The following WDFY4 variants were observed in gnomAD, a reference collection of about 807,000 sequenced individuals.
WDFY4 encodes the protein WD repeat- and FYVE domain-containing protein 4.
A neutral mutation model predicts 351.9 loss-of-function variants in WDFY4; 169 were observed. The observed-to-expected ratio is 0.48, with a 90% CI of 0.42 to 0.55. The LOEUF is 0.55. Among genes scored for constraint, WDFY4 ranks in the 20% least tolerant of loss-of-function variants. WDFY4 has a pLI of 0.00. For synonymous variants in WDFY4, 1,622 were observed against 1,574.6 expected (o/e 1.03, Z -0.71); for missense variants, 3,803 against 3,935.6 (o/e 0.97, Z 0.90).
At chr10:48,750,952 G>T (rs914995196) in intron 12 of WDFY4, among the ~76,000 whole-genome samples, 49 of 152,228 alleles carry the variant, frequency 3.2e-4, no homozygotes, top group African/African-American at 1.1e-3. Context: ...TGAGAAGATG[G>T]ACAGGACAGG....
intron 24 of WDFY4, among the ~76,000 whole-genome samples, chr10:48,800,072 G>C (rs1255836329): frequency 1.3e-5 from 2 of 152,210 alleles, no homozygotes; most frequent in South Asian, 2.1e-4. Context: ...TTGTAGTAGA[G>C]ACGGGGTTTC....
intron 47 of WDFY4, among the ~76,000 whole-genome samples, chr10:48,920,317 G>A (rs1838945581): frequency 6.7e-6 from 1 of 148,454 alleles, no homozygotes; most frequent in Non-Finnish European, 1.5e-5. Context: ...ATTGAACAAT[G>A]AGAACACATG....
intron 1 of WDFY4, among the ~76,000 whole-genome samples, chr10:48,703,996 G>T (rs947249520): frequency 6.6e-6 from 1 of 152,108 alleles, no homozygotes; most frequent in African/African-American, 2.4e-5. Context: ...CTCCCTCTTG[G>T]GTCCCTGCAG....
Position 48,976,949 on chromosome 10 carries a change from C to CA in WDFY4, c.9262dup (p.Ile3088AsnfsTer15). On this transcript the variant is annotated frameshift_variant, in exon 59 of 62. Coordinates refer to ENST00000325239, the MANE Select transcript of WDFY4 (RefSeq NM_001394531.1). LOFTEE classifies it high-confidence loss of function. ...CAGCATGGGACACAAGCCAGATCAT[C>CA]ATCACCGGGAGTCAAGACGGCATGG... 6.7e-7 allele frequency: 1 copy of CA among 1,499,302 alleles called. No individual in the cohort carries two copies. Among genetic ancestry groups the CA allele is most frequent in the Non-Finnish European group, 8.9e-7 (1 of 1,118,168 alleles). The allele number at this position is 1,499,302 out of a possible 1,614,324, so 92.9% of individuals were successfully genotyped here. A position where few individuals can be genotyped will look rare whatever the true frequency, so the allele number is the denominator to read the frequency against.
chr10:48,693,285 G>C (rs912230061), intron 1 of WDFY4, among the ~76,000 whole-genome samples: 2 of 152,136 alleles, frequency 1.3e-5, no homozygotes, highest in Non-Finnish European at 2.9e-5. Flanking sequence ...GTGGAGGGGA[G>C]CCTGGAGGCA....
chr10:48,909,424 T>C lies in WDFY4; in HGVS notation c.7586+7561T>C, dbSNP rs560475665. ...ATATAACTTTTTGTATAAATTGGAG[T>C]TGCTTGAGGTATCTTAGTCCATTTG... On this transcript the variant is annotated intron_variant, in intron 47 of 61. Coordinates refer to ENST00000325239, the MANE Select transcript of WDFY4 (RefSeq NM_001394531.1). 3.9e-5 allele frequency: 6 copies of C among 152,308 alleles called. No individual in the cohort carries two copies. In the South Asian group the frequency reaches 8.3e-4, roughly 21 times the overall value. 9.4% of individuals were successfully genotyped at this position (152,308 alleles called of 1,614,324 possible). A position where few individuals can be genotyped will look rare whatever the true frequency, so the allele number is the denominator to read the frequency against.
rs959368948 is a variant in WDFY4, at chr10:48,820,380, G to A, written c.5652G>A (p.Glu1884=). 1.4e-5 allele frequency: 21 copies of A among 1,551,502 alleles called. No individual in the cohort carries two copies. The African/African-American group carries it at 2.6e-4, about 19-fold the overall frequency. The change falls in exon 33 of 62, where the codon GAG becomes GAA. Residue 1884 remains glutamate, a synonymous_variant. Coordinates refer to ENST00000325239, the MANE Select transcript of WDFY4 (RefSeq NM_001394531.1). ...AGTTCACGCAGCTCCTCTTGAGGGA[G>A]CTCCTGCTTGGAGCCTCCAGCCCCA... ...LREFTQLLLR[E]LLLGASSPKQ... is the part of the protein sequence containing the mutation.
At chr10:48,858,742 C>G (rs748105200) in intron 39 of WDFY4, among the ~76,000 whole-genome samples, 6 of 152,092 alleles carry the variant, frequency 3.9e-5, no homozygotes, top group African/African-American at 1.4e-4. Context: ...CTAGAAAAAG[C>G]CTTGCTGGTA....
At chr10:48,724,925 A>G (rs1050281510) in intron 5 of WDFY4, among the ~76,000 whole-genome samples, 11 of 152,220 alleles carry the variant, frequency 7.2e-5, no homozygotes, top group Middle Eastern at 3.2e-3. Flanking sequence ...ATACTGGGCA[A>G]TGATGGTGAC....
chr10:48,921,971 A>C (rs1839123341), intron 47 of WDFY4, among the ~76,000 whole-genome samples: 1 of 152,194 alleles, frequency 6.6e-6, no homozygotes, highest in South Asian at 2.1e-4. Flanking sequence ...CTAAGTATTT[A>C]CCCTAGAAAA....
chr10:48,874,851 G>GT (rs775067190), intron 41 of WDFY4, among the ~76,000 whole-genome samples: 5 of 152,242 alleles, frequency 3.3e-5, no homozygotes, highest in South Asian at 4.1e-4. Context: ...GGTAATTACC[G>GT]TAAGTCCTAC....
intron 19 of WDFY4, among the ~76,000 whole-genome samples, chr10:48,783,263 C>G (rs1227164606): frequency 5.9e-5 from 9 of 152,144 alleles, no homozygotes; most frequent in Admixed American, 5.9e-4. Flanking sequence ...GCATGCTTAA[C>G]TAAGCTCTAG....
intron 1 of WDFY4, among the ~76,000 whole-genome samples, chr10:48,699,317 G>A (rs992119874): frequency 3.3e-5 from 5 of 152,252 alleles, no homozygotes; most frequent in African/African-American, 4.8e-5. Flanking sequence ...TGGGGACTTC[G>A]GAGCCAGCAG....
At chr10:48,882,277 G>C (rs73294617) in intron 43 of WDFY4, among the ~76,000 whole-genome samples, 5,587 of 152,288 alleles carry the variant, frequency 0.037, 341 homozygotes, top group African/African-American at 0.13. Context: ...ACCATGGAGG[G>C]AGCAGCCAGT....
chr10:48,967,880 C>T (rs1842156099), intron 55 of WDFY4: 1 of 152,236 alleles, frequency 6.6e-6, no homozygotes, highest in Admixed American at 6.5e-5. Context: ...AGAACAGTGT[C>T]ATTGGCACAC....
chr10:48,740,956 C>G lies in WDFY4; in HGVS notation c.1879-2012C>G, dbSNP rs1197428644. Among the ~76,000 whole-genome samples, 4 of 152,170 alleles carry G rather than the reference C, an allele frequency of 2.6e-5. No homozygotes were observed. In the East Asian group the frequency reaches 7.7e-4, roughly 29 times the overall value. On this transcript the variant is annotated intron_variant, in intron 11 of 61. Coordinates refer to ENST00000325239, the MANE Select transcript of WDFY4 (RefSeq NM_001394531.1). Reference sequence around the variant, plus strand: ...TATTGGTAAGGATGAATCTTTCTACCTCACTTTATGTTATTTGTCTATTTT... The same window carrying G: ...TATTGGTAAGGATGAATCTTTCTACGTCACTTTATGTTATTTGTCTATTTT...
rs372326264 is a variant in WDFY4, at chr10:48,884,795, A to G, written c.7168-5784A>G. Among the ~76,000 whole-genome samples the G allele has an allele frequency of 1.8e-4, 27 of 152,190 alleles. No homozygotes were observed. The East Asian group carries it at 4.4e-3, about 25-fold the overall frequency. ...CCTCAGGAACCGTTTCTCTGGTGTC[A>G]CCGCTGCCGCCTCTTCCATCTCAGT... On this transcript the variant is annotated intron_variant, in intron 43 of 61. Transcript: ENST00000325239.
At chr10:48,830,956 A>G (rs1238858272) in intron 38 of WDFY4, 71 bp downstream of exon 38, 2 of 1,465,570 alleles carry the variant, frequency 1.4e-6, no homozygotes, top group Admixed American at 4.4e-5. Flanking sequence ...GCAAGGTTCA[A>G]CTCAGTGCCT....
Position 48,760,333 on chromosome 10 carries a change from C to T in WDFY4, c.2460-14C>T, listed in dbSNP as rs1188243851. On this transcript the variant is annotated splice_polypyrimidine_tract_variant and intron_variant, in intron 12 of 61. Coordinates refer to ENST00000325239, the MANE Select transcript of WDFY4 (RefSeq NM_001394531.1). ...AGGTCCGTGTCTCATGTCTGGCTCTCCCTCTCTCTGCAGGATGGATGAGGG... is the reference window on the plus strand; with the variant it reads ...AGGTCCGTGTCTCATGTCTGGCTCTTCCTCTCTCTGCAGGATGGATGAGGG... The T allele has an allele frequency of 3.2e-6, 5 of 1,550,980 alleles. No individual in the cohort carries two copies. Among genetic ancestry groups the T allele is most frequent in the Admixed American group, 2.0e-5 (1 of 51,010 alleles).
Sources: allele counts gnomAD v4.1 joint callset (sites outside exome capture counted in the v4.1 genomes callset), GRCh38; gene constraint gnomAD v4.1.1; transcripts MANE v1.5; gene names NCBI Gene and HGNC (gene_info 2026-07-23, HGNC 2026-07-21).